The following LIMA1 variants were observed in gnomAD, a reference collection of about 807,000 sequenced individuals.
The protein encoded by LIMA1 is LIM domain and actin-binding protein 1.
Under a neutral mutation model 62.6 loss-of-function variants are expected in LIMA1, and 52 were observed. The ratio of observed to expected loss-of-function variants is 0.83; its 90% CI spans 0.67 to 1.05. LIMA1 has a LOEUF of 1.05. LIMA1 is among the 50% of genes least tolerant of loss of function. LIMA1 has a pLI of 0.00. For synonymous variants in LIMA1, 302 were observed against 317.8 expected (o/e 0.95, Z 0.53); for missense variants, 780 against 902.2 (o/e 0.86, Z 1.74).
chr12:50,270,863 T>C (rs900893441), intron 1 of LIMA1, among the ~76,000 whole-genome samples: 3 of 151,714 alleles, frequency 2.0e-5, no homozygotes, highest in African/African-American at 7.3e-5. Flanking sequence ...GAGGCCGAGG[T>C]GGGCGGATGA....
chr12:50,182,358 C>CGG (rs553599275), intron 9 of LIMA1, among the ~76,000 whole-genome samples: 2 of 102,350 alleles, frequency 2.0e-5, no homozygotes, highest in African/African-American at 7.3e-5. Context: ...GGGAAGGGGT[C>CGG]GGGGGGGGGA....
chr12:50,204,543 A>C lies in LIMA1; in HGVS notation c.864+9T>G, dbSNP rs139115409. 6.2e-7 allele frequency: 1 copy of C among 1,613,272 alleles called. No homozygotes were observed. The highest frequency in any genetic ancestry group is 2.2e-5 in the East Asian group (1 of 44,868). On this transcript the variant is annotated intron_variant, in intron 6 of 10. Coordinates refer to ENST00000341247, the MANE Select transcript of LIMA1 (RefSeq NM_016357.5). ...ATGAATGAATGAATGAATGATGCAGAACACATACTGTATAGTTGGTTGAGC... is the reference window on the plus strand; with the variant it reads ...ATGAATGAATGAATGAATGATGCAGCACACATACTGTATAGTTGGTTGAGC...
intron 1 of LIMA1, among the ~76,000 whole-genome samples, chr12:50,256,076 A>G (rs1941993449): frequency 1.3e-5 from 2 of 151,330 alleles, no homozygotes; most frequent in African/African-American, 4.9e-5. Flanking sequence ...TTGTATTTTT[A>G]GTAGAGATGG....
At chr12:50,277,255 C>T (rs1247860142) in intron 1 of LIMA1, among the ~76,000 whole-genome samples, 4 of 151,036 alleles carry the variant, frequency 2.6e-5, no homozygotes, top group Non-Finnish European at 5.9e-5. Context: ...ACAGCAAGAA[C>T]CCCATTCAAT....
intron 3 of LIMA1, among the ~76,000 whole-genome samples, chr12:50,229,559 G>A (rs945423691): frequency 5.9e-5 from 9 of 152,126 alleles, no homozygotes; most frequent in Non-Finnish European, 1.2e-4. Context: ...TGGGGAGAGC[G>A]GGGAGGGATA....
chr12:50,194,210 A>T (rs547202712), intron 8 of LIMA1, among the ~76,000 whole-genome samples: 13 of 151,664 alleles, frequency 8.6e-5, no homozygotes, highest in Non-Finnish European at 1.9e-4. Context: ...GCTGGTCTTG[A>T]ACTCCTGACC....
intron 4 of LIMA1, among the ~76,000 whole-genome samples, chr12:50,219,242 G>T (rs915593881): frequency 1.3e-5 from 2 of 152,286 alleles, no homozygotes; most frequent in Admixed American, 1.3e-4. Flanking sequence ...CCAGCTCTTT[G>T]GGAGGCTTGA....
chr12:50,203,659 C>T (rs1941099085), intron 6 of LIMA1, among the ~76,000 whole-genome samples: 2 of 152,210 alleles, frequency 1.3e-5, no homozygotes, highest in Non-Finnish European at 1.5e-5. Flanking sequence ...GCAATCTGCC[C>T]ACCTCGGCCT....
chr12:50,206,724 C>A (rs917928341), intron 4 of LIMA1, among the ~76,000 whole-genome samples: 3 of 152,136 alleles, frequency 2.0e-5, no homozygotes, highest in African/African-American at 7.2e-5. Context: ...CTTACAAATG[C>A]CTGTTCCTTC....
rs554298377 is a variant in LIMA1, at chr12:50,193,926, G to A, written c.1031-1365C>T. Among the ~76,000 whole-genome samples, 65 of 148,380 alleles carry A rather than the reference G, an allele frequency of 4.4e-4. No homozygotes were observed. In the East Asian group the frequency reaches 0.011, roughly 24 times the overall value. Reference sequence around the variant, plus strand: ...AGCAAACTGCCTGCCTCAACCTCACGAAGTGCTGGGATTACAGGCATGAGC... The same window carrying A: ...AGCAAACTGCCTGCCTCAACCTCACAAAGTGCTGGGATTACAGGCATGAGC... On this transcript the variant is annotated intron_variant, in intron 8 of 10. Transcript: ENST00000341247.
Position 50,192,484 on chromosome 12 carries a change from G to A in LIMA1, c.1108C>T (p.Leu370Phe), listed in dbSNP as rs137989167. Residue 370 changes from leucine (L) to phenylalanine (F), a missense_variant, in exon 9 of 11, where the codon CTT (leucine) becomes TTT (phenylalanine). Transcript: ENST00000341247. ...GCTTTGGGAGGAGAACTTTCAGAAAGACTGGAGGCTCTGGAATCTGGACTT... is the reference window on the plus strand; with the variant it reads ...GCTTTGGGAGGAGAACTTTCAGAAAAACTGGAGGCTCTGGAATCTGGACTT... ...PLSPDSRASS[L>F]SESSPPKAMK... is the part of the protein sequence containing the mutation. 38 of 1,613,976 alleles carry A rather than the reference G, an allele frequency of 2.4e-5. No homozygotes were observed. In the African/African-American group the frequency reaches 4.5e-4, roughly 19 times the overall value.
At chr12:50,212,115 G>T (rs1386749751) in intron 4 of LIMA1, among the ~76,000 whole-genome samples, 1 of 152,148 alleles carries the variant, frequency 6.6e-6, no homozygotes. Context: ...GTAGTCTGTA[G>T]AATTTTTTTC....
At chr12:50,221,469 G>A (rs1341511471) in intron 4 of LIMA1, among the ~76,000 whole-genome samples, 4 of 152,180 alleles carry the variant, frequency 2.6e-5, no homozygotes, top group East Asian at 1.9e-4. Flanking sequence ...CAAAACTCCC[G>A]AAAGCTATAG....
At chr12:50,199,058 C>T (rs1302654572) in intron 7 of LIMA1, among the ~76,000 whole-genome samples, 3 of 152,154 alleles carry the variant, frequency 2.0e-5, no homozygotes, top group Non-Finnish European at 2.9e-5. Flanking sequence ...TGGCCAAGCA[C>T]GGTGGCTTAC....
rs557666372 is a variant in LIMA1, at chr12:50,272,090, C to T, written c.-24+11330G>A. Among the ~76,000 whole-genome samples the T allele has an allele frequency of 8.0e-4, 122 of 152,238 alleles. 2 individuals are homozygous for T. Among genetic ancestry groups the T allele is most frequent in the Middle Eastern group, 6.8e-3 (2 of 294 alleles). ...CAAGTTTTCTCCAAATACAGGGCTT[C>T]TTAGTTTCACTTCTGGACATTTCCA... On this transcript the variant is annotated intron_variant, in intron 1 of 10. Coordinates refer to ENST00000341247, the MANE Select transcript of LIMA1 (RefSeq NM_016357.5).
chr12:50,215,626 C>A (rs1433214679), intron 4 of LIMA1, among the ~76,000 whole-genome samples: 1 of 152,000 alleles, frequency 6.6e-6, no homozygotes, highest in African/African-American at 2.4e-5. Context: ...CCCGCCACCA[C>A]GCCCGGCTAA....
At chr12:50,184,828 TTTTTG>T (rs1473267094) in intron 9 of LIMA1, among the ~76,000 whole-genome samples, 3 of 152,096 alleles carry the variant, frequency 2.0e-5, no homozygotes, top group South Asian at 2.1e-4. Context: ...TTTTTTGTTT[TTTTTG>T]TTTTGTTTTG....
rs1592563844 is a variant in LIMA1, at chr12:50,262,621, AG to A, written c.-23-13848del. Among the ~76,000 whole-genome samples, 6 of 143,394 alleles carry A rather than the reference AG, an allele frequency of 4.2e-5. No homozygotes were observed. The East Asian group carries it at 1.1e-3, about 26-fold the overall frequency. 94.1% of individuals were successfully genotyped at this position (143,394 alleles called of 152,430 possible). A position where few individuals can be genotyped will look rare whatever the true frequency, so the allele number is the denominator to read the frequency against. On this transcript the variant is annotated intron_variant, in intron 1 of 10. Transcript: ENST00000341247. ...AGACCTGTTCTCTGCCAAAAAATAA[AG>A]TAAAATAAAATAAAATAAAATAAAA...
rs140187635 is a variant in LIMA1, at chr12:50,177,323, A to G, written c.2021T>C (p.Met674Thr). ...KRSKEGHSLEMENENLVENGA... is the reference protein window; with the variant it reads ...KRSKEGHSLETENENLVENGA... Reference sequence around the variant, plus strand: ...ATTTTCTACAAGATTCTCATTCTCCATCTCCAAACTATGACCTTCCTTACT... The same window carrying G: ...ATTTTCTACAAGATTCTCATTCTCCGTCTCCAAACTATGACCTTCCTTACT... The change falls in exon 11 of 11, where the codon ATG (methionine) becomes ACG (threonine). Residue 674 changes from methionine to threonine, a missense_variant. Physicochemically the swap from Met to Thr is moderately conservative, Grantham distance 81. Transcript: ENST00000341247. 1.8e-4 allele frequency: 296 copies of G among 1,614,214 alleles called. 1 individual carries two copies. In the African/African-American group the frequency reaches 3.6e-3, roughly 19 times the overall value.
Sources: allele counts gnomAD v4.1 joint callset (sites outside exome capture counted in the v4.1 genomes callset), GRCh38; gene constraint gnomAD v4.1.1; transcripts MANE v1.5; gene names NCBI Gene and HGNC (gene_info 2026-07-23, HGNC 2026-07-21).